RBFOX1: variants seen among roughly 807,000 people sequenced by gnomAD.
The protein encoded by RBFOX1 is RNA binding fox-1 homolog 1, also known as RNA binding protein fox-1 homolog 1.
A neutral mutation model predicts 57.7 loss-of-function variants in RBFOX1; 8 were observed. The observed-to-expected ratio is 0.14, with a 90% CI of 0.08 to 0.25. The LOEUF is 0.25. RBFOX1 is among the 10% of genes least tolerant of loss of function. The pLI, the probability that RBFOX1 is intolerant of heterozygous loss-of-function variation, is 1.00. For missense variants in RBFOX1, 611 were observed against 548.5 expected, an observed-to-expected ratio of 1.11 and a Z score of -1.14; for synonymous variants, 326 against 222.4, an observed-to-expected ratio of 1.47 and a Z score of -4.15.
chr16:6,717,872 A>G (rs1382793643), intron 3 of RBFOX1, among the ~76,000 whole-genome samples: 2 of 151,876 alleles, frequency 1.3e-5, no homozygotes, highest in Admixed American at 6.5e-5. Context: ...CCTAGAGCAG[A>G]TCTGGATATG....
At chr16:6,432,618 G>C (rs945437670) in intron 2 of RBFOX1, among the ~76,000 whole-genome samples, 2 of 152,036 alleles carry the variant, frequency 1.3e-5, no homozygotes, top group African/African-American at 4.8e-5. Context: ...GGAGGCGGAG[G>C]TTGCAGTGAG....
At chr16:5,387,128 A>G (rs941782182) in intron 1 of RBFOX1, among the ~76,000 whole-genome samples, 10 of 152,206 alleles carry the variant, frequency 6.6e-5, no homozygotes, top group Non-Finnish European at 1.3e-4. Flanking sequence ...GTCTCCCCAC[A>G]AGGCTCAAAT....
chr16:5,278,405 T>C (rs1235179603), intron 1 of RBFOX1, among the ~76,000 whole-genome samples: 1 of 152,242 alleles, frequency 6.6e-6, no homozygotes, highest in African/African-American at 2.4e-5. Context: ...CGATTGCGTT[T>C]GGCATCTTCA....
At chr16:7,365,829 T>A (rs912563954) in intron 4 of RBFOX1, among the ~76,000 whole-genome samples, 40 of 152,326 alleles carry the variant, frequency 2.6e-4, no homozygotes, top group Admixed American at 9.1e-4. Context: ...ATCTCTTACG[T>A]GACTACATCC....
intron 3 of RBFOX1, among the ~76,000 whole-genome samples, chr16:6,665,171 C>A (rs368863549): frequency 1.3e-5 from 2 of 152,160 alleles, no homozygotes; most frequent in African/African-American, 4.8e-5. Context: ...GGAGAAAAGG[C>A]GCTTCTTTTT....
chr16:7,088,335 T>C (rs1173927876), intron 4 of RBFOX1, among the ~76,000 whole-genome samples: 1 of 152,210 alleles, frequency 6.6e-6, no homozygotes. Context: ...TTTGTTTTTG[T>C]TTCTGTTTCT....
chr16:7,060,348 G>C (rs1331008225), intron 4 of RBFOX1, among the ~76,000 whole-genome samples: 3 of 152,308 alleles, frequency 2.0e-5, no homozygotes, highest in Admixed American at 2.0e-4. Context: ...GAAGGTTAAT[G>C]AGGGATTTTT....
chr16:7,025,865 A>C (rs1228293758), intron 3 of RBFOX1, among the ~76,000 whole-genome samples: 5 of 152,146 alleles, frequency 3.3e-5, no homozygotes, highest in Non-Finnish European at 7.3e-5. Context: ...AGCTCCAGCA[A>C]CCAGGATGAG....
intron 1 of RBFOX1, among the ~76,000 whole-genome samples, chr16:6,124,224 T>C (rs1291855121): frequency 6.6e-6 from 1 of 152,222 alleles, no homozygotes; most frequent in Non-Finnish European, 1.5e-5. Context: ...TTGTCCATGC[T>C]GGGTCCACAT....
At chr16:7,281,430 A>C (rs1055101764) in intron 4 of RBFOX1, among the ~76,000 whole-genome samples, 1 of 151,982 alleles carries the variant, frequency 6.6e-6, no homozygotes. Flanking sequence ...CCTGCTTTGT[A>C]CTTTAGTCCT....
intron 7 of RBFOX1, among the ~76,000 whole-genome samples, chr16:7,590,143 T>C (rs978280006): frequency 6.6e-6 from 1 of 152,058 alleles, no homozygotes; most frequent in Non-Finnish European, 1.5e-5. Context: ...GATATACACC[T>C]GTAGTCCAAG....
intron 3 of RBFOX1, among the ~76,000 whole-genome samples, chr16:6,656,337 A>G (rs2098651455): frequency 6.6e-6 from 1 of 152,182 alleles, no homozygotes; most frequent in Admixed American, 6.5e-5. Context: ...ATAGTGCTTG[A>G]AAGATAACAT....
chr16:6,209,019 A>G (rs539001062), intron 1 of RBFOX1, among the ~76,000 whole-genome samples: 1 of 152,262 alleles, frequency 6.6e-6, no homozygotes, highest in South Asian at 2.1e-4. Context: ...GTATCTTACA[A>G]CCTTGAAGGA....
At chr16:6,911,863 A>G (rs932855977) in intron 3 of RBFOX1, among the ~76,000 whole-genome samples, 5 of 152,204 alleles carry the variant, frequency 3.3e-5, no homozygotes, top group African/African-American at 1.2e-4. Flanking sequence ...TTAAGAAAAG[A>G]CGTTAACTAT....
rs80225982 is a variant in RBFOX1, at chr16:5,320,468, T to A, written c.219+80363T>A. 1.2e-3 allele frequency among the ~76,000 whole-genome samples: 183 copies of A among 152,264 alleles called. 1 individual carries two copies. Among genetic ancestry groups the A allele is most frequent in the African/African-American group, 4.3e-3 (178 of 41,544 alleles). Reference sequence around the variant, plus strand: ...AACAGTAAGTCCAAGAACAAGACCCTCGAAGGACTTGGTTTTATTTTACTT... The same window carrying A: ...AACAGTAAGTCCAAGAACAAGACCCACGAAGGACTTGGTTTTATTTTACTT... On this transcript the variant is annotated intron_variant, in intron 1 of 2. Coordinates refer to the RBFOX1 transcript ENST00000585867.
chr16:5,904,684 G>C (rs567366194), intron 4 of RBFOX1, among the ~76,000 whole-genome samples: 3 of 152,032 alleles, frequency 2.0e-5, no homozygotes, highest in Non-Finnish European at 4.4e-5. Context: ...ATCTTGAAGA[G>C]ATAATCAGAT....
chr16:5,447,180 C>G (rs895081771), intron 1 of RBFOX1, among the ~76,000 whole-genome samples: 3 of 152,106 alleles, frequency 2.0e-5, no homozygotes, highest in Admixed American at 1.3e-4. Flanking sequence ...CCTACAATAA[C>G]CTTCCCCTCA....
intron 4 of RBFOX1, among the ~76,000 whole-genome samples, chr16:7,408,987 C>T (rs529540482): frequency 2.5e-4 from 38 of 152,290 alleles, no homozygotes; most frequent in African/African-American, 7.2e-4. Context: ...TTTGCATCCC[C>T]GCCCGTCAAT....
intron 1 of RBFOX1, among the ~76,000 whole-genome samples, chr16:5,414,672 G>A (rs1020614252): frequency 6.6e-6 from 1 of 152,128 alleles, no homozygotes; most frequent in Non-Finnish European, 1.5e-5. Context: ...ATTTTATAGT[G>A]TCTCCAGGCT....
Sources: gnomAD v4.1 joint callset for allele counts (sites outside exome capture counted in the v4.1 genomes callset) on GRCh38, gnomAD v4.1.1 for gene constraint, MANE v1.5 for transcripts, NCBI Gene and HGNC (gene_info 2026-07-23, HGNC 2026-07-21) for gene names.